Variants in FTO observed in about 807,000 individuals in gnomAD.
FTO encodes FTO alpha-ketoglutarate dependent dioxygenase, also known as alpha-ketoglutarate-dependent dioxygenase FTO.
In FTO, 47 loss-of-function variants were observed where a neutral mutation model predicts 63.9. The observed-to-expected ratio is 0.74, with a 90% confidence interval of 0.58 to 0.94. The LOEUF is 0.94. Among genes scored for constraint, FTO ranks in the 40% least tolerant of loss-of-function variants. The pLI is 0.00. For missense variants in FTO, 562 were observed against 618.1 expected (o/e 0.91, Z 0.96); for synonymous variants, 207 against 224.4 (o/e 0.92, Z 0.69).
At chr16:53,854,809 T>C (rs935763162) in intron 4 of FTO, among the ~76,000 whole-genome samples, 7 of 152,174 alleles carry the variant, frequency 4.6e-5, no homozygotes, top group Non-Finnish European at 1.0e-4. Flanking sequence ...TTTTTTCTAA[T>C]TCTGTGACAA....
chr16:53,910,759 C>G (rs530801704), intron 7 of FTO, among the ~76,000 whole-genome samples: 1 of 152,332 alleles, frequency 6.6e-6, no homozygotes, highest in East Asian at 1.9e-4. Flanking sequence ...TAGTGTCAAA[C>G]TCCTGACCTC....
chr16:53,949,571 A>C (rs1281386083), intron 8 of FTO, among the ~76,000 whole-genome samples: 1 of 152,206 alleles, frequency 6.6e-6, no homozygotes, highest in Non-Finnish European at 1.5e-5. Context: ...TTTCATTAAA[A>C]TAAGCCAACA....
At chr16:53,754,665 A>C (rs1342116509) in intron 1 of FTO, among the ~76,000 whole-genome samples, 1 of 152,210 alleles carries the variant, frequency 6.6e-6, no homozygotes, top group Admixed American at 6.5e-5. Context: ...GATACCTTGA[A>C]TTTAAGGGAA....
intron 8 of FTO, among the ~76,000 whole-genome samples, chr16:54,109,705 G>A (rs2086834224): frequency 6.6e-6 from 1 of 152,214 alleles, no homozygotes; most frequent in Non-Finnish European, 1.5e-5. Context: ...AAAAGCCATT[G>A]GGATTGGGAA....
At chr16:53,884,019 G>A (rs1598905046) in intron 6 of FTO, among the ~76,000 whole-genome samples, 2 of 152,202 alleles carry the variant, frequency 1.3e-5, no homozygotes, top group Non-Finnish European at 2.9e-5. Context: ...CTTTCTGCAA[G>A]GCCATGTGTC....
At chr16:53,947,901 G>A (rs540534748) in intron 8 of FTO, among the ~76,000 whole-genome samples, 1 of 152,328 alleles carries the variant, frequency 6.6e-6, no homozygotes, top group African/African-American at 2.4e-5. Context: ...TTGGGAAGCT[G>A]TATTAAGCAC....
At chr16:53,949,190 C>G (rs2082715950) in intron 8 of FTO, among the ~76,000 whole-genome samples, 1 of 152,142 alleles carries the variant, frequency 6.6e-6, no homozygotes, top group African/African-American at 2.4e-5. Context: ...CCTGTTACAC[C>G]CTTGAGCTCC....
intron 8 of FTO, among the ~76,000 whole-genome samples, chr16:53,982,088 AC>A (rs201707427): frequency 0.013 from 1,949 of 145,462 alleles, 42 homozygotes; most frequent in African/African-American, 0.045. Context: ...AAAAAAAAAA[AC>A]AAAAAACAAG....
At chr16:54,006,320 A>T (rs1314150754) in intron 8 of FTO, among the ~76,000 whole-genome samples, 1 of 152,234 alleles carries the variant, frequency 6.6e-6, no homozygotes, top group Non-Finnish European at 1.5e-5. Context: ...CTAAGTAAGA[A>T]TTCTGTTTCT....
chr16:53,759,514 C>A (rs1228231598), intron 1 of FTO, among the ~76,000 whole-genome samples: 2 of 151,656 alleles, frequency 1.3e-5, no homozygotes, highest in Non-Finnish European at 2.9e-5. Flanking sequence ...GCCAACATGG[C>A]AAAACCCCAT....
intron 1 of FTO, among the ~76,000 whole-genome samples, chr16:53,719,920 T>TTTCTCATTTCATTTTCTTTCTCATATATA (rs2075997555): frequency 6.6e-6 from 1 of 152,186 alleles, no homozygotes; most frequent in Non-Finnish European, 1.5e-5. Context: ...TTCTCATACC[T>TTTCTCATTTCATTTTCTTTCTCATATATA]TAGTTATATA....
chr16:53,857,072 AT>A (rs74899981), intron 4 of FTO, among the ~76,000 whole-genome samples: 56,305 of 150,578 alleles, frequency 0.37, 13,390 homozygotes, highest in East Asian at 0.76. Context: ...GTATGGAAGT[AT>A]TTTTTTTTTC....
chr16:53,964,100 T>C (rs1266906646), intron 8 of FTO, among the ~76,000 whole-genome samples: 1 of 152,166 alleles, frequency 6.6e-6, no homozygotes, highest in Non-Finnish European at 1.5e-5. Flanking sequence ...TTTTCCTAAG[T>C]GTGGATAATT....
chr16:53,941,950 A>T (rs2082538990), intron 8 of FTO, among the ~76,000 whole-genome samples: 1 of 152,244 alleles, frequency 6.6e-6, no homozygotes, highest in South Asian at 2.1e-4. Context: ...TGTTTACCAC[A>T]TATCCCTGGC....
At chr16:53,990,749 C>CA (rs1253062687) in intron 8 of FTO, among the ~76,000 whole-genome samples, 2 of 151,598 alleles carry the variant, frequency 1.3e-5, no homozygotes, top group Admixed American at 1.3e-4. Context: ...CTCATTGCAA[C>CA]ATCCACCTCC....
chr16:53,963,427 G>A (rs2083126951), intron 8 of FTO, among the ~76,000 whole-genome samples: 1 of 152,168 alleles, frequency 6.6e-6, no homozygotes, highest in Non-Finnish European at 1.5e-5. Flanking sequence ...TTGGATCTGT[G>A]TCTCTGACCA....
intron 8 of FTO, among the ~76,000 whole-genome samples, chr16:54,020,528 T>G (rs1375033774): frequency 6.6e-6 from 1 of 152,224 alleles, no homozygotes; most frequent in Non-Finnish European, 1.5e-5. Context: ...TATAATCAAG[T>G]GCAATTATAC....
intron 8 of FTO, among the ~76,000 whole-genome samples, chr16:54,106,334 T>G (rs539105980): frequency 6.6e-6 from 1 of 151,930 alleles, no homozygotes; most frequent in Admixed American, 6.6e-5. Context: ...GTTACGTCAC[T>G]AGGTCATTCA....
chr16:53,959,403 G>A (rs949440825), intron 8 of FTO, among the ~76,000 whole-genome samples: 8 of 152,200 alleles, frequency 5.3e-5, no homozygotes, highest in Non-Finnish European at 1.0e-4. Context: ...CAAGTGGGAA[G>A]AGCACAGTGG....
Sources: allele counts gnomAD v4.1 joint callset (sites outside exome capture counted in the v4.1 genomes callset), GRCh38; gene constraint gnomAD v4.1.1; transcripts MANE v1.5; gene names NCBI Gene and HGNC (gene_info 2026-07-23, HGNC 2026-07-21).